The following ARMC2 variants were observed in gnomAD, a reference collection of about 807,000 sequenced individuals.
ARMC2 encodes the protein armadillo repeat-containing protein 2.
Under a neutral mutation model 90.3 loss-of-function variants are expected in ARMC2, and 67 were observed. The observed-to-expected ratio is 0.74, with a 90% CI of 0.61 to 0.91. ARMC2 has a LOEUF of 0.91. Ranked by LOEUF, ARMC2 falls within the 40% of genes least tolerant of loss-of-function variation. ARMC2 has a pLI of 0.00. For missense variants in ARMC2, 920 were observed against 1,030.9 expected (o/e 0.89, Z 1.47); for synonymous variants, 393 against 393.0 (o/e 1.00, Z 0.00).
chr6:109,020,034 C>T, the ARMC2 span, among the ~76,000 whole-genome samples: 1 of 152,148 alleles, frequency 6.6e-6, no homozygotes, highest in Non-Finnish European at 1.5e-5. Context: ...TCAAAAGCAG[C>T]AGGATGCAGT....
At chr6:108,881,959 G>C (rs1409280683) in intron 5 of ARMC2, among the ~76,000 whole-genome samples, 1 of 152,032 alleles carries the variant, frequency 6.6e-6, no homozygotes, top group Non-Finnish European at 1.5e-5. Flanking sequence ...TCTGTTTAAA[G>C]ATAAATACTA....
At chr6:109,002,181 G>T in the ARMC2 span, 1 of 1,045,640 alleles carries the variant, frequency 9.6e-7, no homozygotes, top group Non-Finnish European at 1.5e-6. Flanking sequence ...ACTAAAACAT[G>T]TTGTTGACCA....
the ARMC2 span, among the ~76,000 whole-genome samples, chr6:109,033,339 A>T: frequency 6.6e-6 from 1 of 152,182 alleles, no homozygotes; most frequent in Admixed American, 6.5e-5. Context: ...TAATTAGAAT[A>T]AAAAAATTTA....
chr6:109,018,809 G>T, the ARMC2 span, among the ~76,000 whole-genome samples: 1 of 152,068 alleles, frequency 6.6e-6, no homozygotes, highest in South Asian at 2.1e-4. Context: ...TATAATTTCA[G>T]GGATGACTTC....
chr6:108,976,725 G>A (rs1778989737), downstream of ARMC2, among the ~76,000 whole-genome samples: 2 of 152,118 alleles, frequency 1.3e-5, no homozygotes, highest in African/African-American at 4.8e-5. Context: ...CACATCCCTT[G>A]TAAGTTGTAT....
the ARMC2 span, among the ~76,000 whole-genome samples, chr6:109,013,603 C>G: frequency 1.3e-5 from 2 of 152,096 alleles, no homozygotes; most frequent in Non-Finnish European, 2.9e-5. Context: ...TTTTATGGAC[C>G]ACATGTTAAA....
At chr6:108,858,580 C>T (rs1480790165) in intron 3 of ARMC2, among the ~76,000 whole-genome samples, 1 of 150,646 alleles carries the variant, frequency 6.6e-6, no homozygotes, top group Non-Finnish European at 1.5e-5. Context: ...ATTTTCTTAA[C>T]AGTTATATAT....
chr6:108,940,010 T>C (rs1017275855), intron 12 of ARMC2, among the ~76,000 whole-genome samples: 1 of 152,258 alleles, frequency 6.6e-6, no homozygotes, highest in African/African-American at 2.4e-5. Flanking sequence ...CTGCATCTTC[T>C]TTGTAGATTT....
the ARMC2 span, among the ~76,000 whole-genome samples, chr6:109,008,273 A>G: frequency 6.6e-6 from 1 of 152,240 alleles, no homozygotes; most frequent in African/African-American, 2.4e-5. Context: ...TCAAAAAGAG[A>G]AAAGATCTAT....
chr6:109,025,943 C>A, the ARMC2 span, among the ~76,000 whole-genome samples: 1 of 149,328 alleles, frequency 6.7e-6, no homozygotes, highest in Admixed American at 6.6e-5. Flanking sequence ...ATTAAAGACA[C>A]CAATACTCTT....
chr6:108,868,783 G>A (rs184241545), intron 3 of ARMC2, 41 bp from the exon 4 acceptor site: 294 of 1,593,566 alleles, frequency 1.8e-4, no homozygotes, highest in Non-Finnish European at 2.2e-4. Flanking sequence ...TATTTGAGAC[G>A]CAGAAAGTCA....
intron 5 of ARMC2, among the ~76,000 whole-genome samples, chr6:108,886,216 A>G (rs1268958610): frequency 1.3e-5 from 2 of 152,198 alleles, no homozygotes; most frequent in Non-Finnish European, 2.9e-5. Context: ...CTTCTGTTTA[A>G]TCTACTTCTT....
chr6:109,009,111 T>C, the ARMC2 span: 1 of 739,258 alleles, frequency 1.4e-6, no homozygotes, highest in East Asian at 3.8e-5. Context: ...CAGCTTAGCA[T>C]TTTCTGCCCA....
At chr6:108,958,934 T>A (rs1326167729) in intron 13 of ARMC2, among the ~76,000 whole-genome samples, 1 of 152,248 alleles carries the variant, frequency 6.6e-6, no homozygotes, top group Non-Finnish European at 1.5e-5. Flanking sequence ...CACAGGGTTC[T>A]GGCTCCAGAG....
chr6:108,996,420 T>C, the ARMC2 span, among the ~76,000 whole-genome samples: 1 of 152,142 alleles, frequency 6.6e-6, no homozygotes, highest in African/African-American at 2.4e-5. Context: ...TGAAAAGGAT[T>C]AGGTTTCATG....
At chr6:108,962,863 C>A (rs182390142) in intron 15 of ARMC2, among the ~76,000 whole-genome samples, 1 of 152,154 alleles carries the variant, frequency 6.6e-6, no homozygotes, top group Non-Finnish European at 1.5e-5. Flanking sequence ...ATTAGCCAGA[C>A]GTGGTGGTGG....
chr6:108,912,555 C>T lies in ARMC2; in HGVS notation c.1347C>T (p.Val449=). 6.2e-7 allele frequency: 1 copy of T among 1,607,910 alleles called. No individual in the cohort carries two copies. Among genetic ancestry groups the T allele is most frequent in the Non-Finnish European group, 8.5e-7 (1 of 1,175,462 alleles). Residue 449 remains valine, a synonymous_variant, in exon 10 of 18, where the codon GTC becomes GTT. Coordinates refer to ENST00000392644, the MANE Select transcript of ARMC2 (RefSeq NM_032131.6). ...TGCCTAATTCGGGCCACTTGCTAGT[C>T]CAGGTAAGTATTTTACTTGAAAACG... is the stretch of plus-strand genomic sequence containing the variant. The part of the protein sequence containing the change: ...TFLPNSGHLL[V]QVTATLRNLV...
At chr6:109,037,042 C>T in the ARMC2 span, among the ~76,000 whole-genome samples, 1 of 152,146 alleles carries the variant, frequency 6.6e-6, no homozygotes, top group African/African-American at 2.4e-5. Flanking sequence ...CCATAATGTG[C>T]TGCCAAAATA....
chr6:108,916,906 A>C (rs117731357), intron 10 of ARMC2, among the ~76,000 whole-genome samples: 1 of 152,112 alleles, frequency 6.6e-6, no homozygotes, highest in Admixed American at 6.6e-5. Flanking sequence ...ACTAAGCCCA[A>C]ATTCTCCCGG....
Sources: gnomAD v4.1 joint callset for allele counts (sites outside exome capture counted in the v4.1 genomes callset) on GRCh38, gnomAD v4.1.1 for gene constraint, MANE v1.5 for transcripts, NCBI Gene and HGNC (gene_info 2026-07-23, HGNC 2026-07-21) for gene names.